The following IQSEC1 variants were observed in gnomAD, a reference collection of about 807,000 sequenced individuals.
The protein encoded by IQSEC1 is IQ motif and SEC7 domain-containing protein 1.
Under a neutral mutation model 91.0 loss-of-function variants are expected in IQSEC1, and 31 were observed. The ratio of observed to expected loss-of-function variants is 0.34; its 90% CI spans 0.26 to 0.46. IQSEC1 has a LOEUF of 0.46. Ranked by LOEUF, IQSEC1 falls within the 20% of genes least tolerant of loss-of-function variation. The pLI is 1.00. For missense variants in IQSEC1, 1,388 were observed against 1,575.6 expected, an observed-to-expected ratio of 0.88 and a Z score of 2.02; for synonymous variants, 699 against 662.6, an observed-to-expected ratio of 1.05 and a Z score of -0.84.
intron 1 of IQSEC1, among the ~76,000 whole-genome samples, chr3:12,972,080 A>G (rs1255358539): frequency 1.4e-5 from 2 of 141,966 alleles, no homozygotes; most frequent in Non-Finnish European, 3.0e-5. Context: ...ACTGGAACCA[A>G]TGCAATTTTT....
chr3:13,179,221 T>G (rs1054893367), intron 1 of IQSEC1, among the ~76,000 whole-genome samples: 9 of 152,192 alleles, frequency 5.9e-5, no homozygotes, highest in Non-Finnish European at 1.2e-4. Context: ...CAGCAGGACC[T>G]AGACCAAACC....
intron 1 of IQSEC1, among the ~76,000 whole-genome samples, chr3:13,178,368 CA>C (rs1270919170): frequency 6.6e-6 from 1 of 152,202 alleles, no homozygotes; most frequent in Non-Finnish European, 1.5e-5. Flanking sequence ...GAAGCCAGGT[CA>C]GGGGTGTGGT....
intron 1 of IQSEC1, among the ~76,000 whole-genome samples, chr3:13,243,287 G>A (rs1695051090): frequency 6.6e-6 from 1 of 152,156 alleles, no homozygotes; most frequent in Non-Finnish European, 1.5e-5. Flanking sequence ...TTTGAGGGAG[G>A]GGAGAGGATC....
chr3:13,072,970 G>A, intron 1 of IQSEC1, 22 bp downstream of exon 1: 1 of 1,550,784 alleles, frequency 6.4e-7, no homozygotes, highest in Non-Finnish European at 8.7e-7. Context: ...GCTTCAGGCA[G>A]AAACCTGCCA....
intron 1 of IQSEC1, among the ~76,000 whole-genome samples, chr3:13,070,356 A>C (rs1705374285): frequency 6.6e-6 from 1 of 152,236 alleles, no homozygotes; most frequent in Non-Finnish European, 1.5e-5. Context: ...CCCATGAGGC[A>C]ACTAAGCATG....
intron 1 of IQSEC1, among the ~76,000 whole-genome samples, chr3:13,165,571 T>TGG (rs1693476583): frequency 6.8e-6 from 1 of 146,144 alleles, no homozygotes; most frequent in African/African-American, 2.6e-5. Context: ...TGTGTGTGTG[T>TGG]GTGTGTGTGT....
intron 1 of IQSEC1, among the ~76,000 whole-genome samples, chr3:13,061,217 C>T (rs779990370): frequency 2.6e-5 from 4 of 152,122 alleles, no homozygotes; most frequent in Admixed American, 1.3e-4. Context: ...GGGACAGAGC[C>T]GGCAGCATGG....
chr3:12,966,931 G>A (rs1346770561), intron 1 of IQSEC1, among the ~76,000 whole-genome samples: 1 of 152,070 alleles, frequency 6.6e-6, no homozygotes, highest in Non-Finnish European at 1.5e-5. Flanking sequence ...GGCAGCTCCG[G>A]CCCTGCCTGC....
chr3:13,199,748 C>T (rs1398626531), intron 1 of IQSEC1, among the ~76,000 whole-genome samples: 2 of 151,752 alleles, frequency 1.3e-5, no homozygotes, highest in African/African-American at 2.4e-5. Flanking sequence ...TCCTCCGTGG[C>T]TGTCCCCGGA....
intron 5 of IQSEC1, among the ~76,000 whole-genome samples, chr3:12,921,646 C>G (rs180795013): frequency 6.6e-6 from 1 of 152,206 alleles, no homozygotes; most frequent in Admixed American, 6.5e-5. Flanking sequence ...GTAACCAGCA[C>G]AGGGCCACAG....
intron 1 of IQSEC1, among the ~76,000 whole-genome samples, chr3:13,006,667 C>T (rs1000211858): frequency 3.3e-5 from 5 of 152,272 alleles, no homozygotes; most frequent in African/African-American, 1.2e-4. Flanking sequence ...CACACGCGCA[C>T]ACAGCCCCCA....
intron 2 of IQSEC1, among the ~76,000 whole-genome samples, chr3:13,149,641 G>A (rs1706957697): frequency 6.6e-6 from 1 of 152,046 alleles, no homozygotes; most frequent in Non-Finnish European, 1.5e-5. Context: ...AGGTGAGACT[G>A]GAAGGTGTCA....
chr3:12,945,073 G>A (rs977258972), intron 1 of IQSEC1, among the ~76,000 whole-genome samples: 1 of 152,238 alleles, frequency 6.6e-6, no homozygotes, highest in Non-Finnish European at 1.5e-5. Context: ...TTCCCAGTTG[G>A]CCGCGGTGTG....
At chr3:13,278,229 C>T (rs1454375770) in intron 1 of IQSEC1, among the ~76,000 whole-genome samples, 1 of 152,154 alleles carries the variant, frequency 6.6e-6, no homozygotes, top group Admixed American at 6.5e-5. Context: ...GAAAGCGAGG[C>T]AGGCCACTCC....
intron 2 of IQSEC1, among the ~76,000 whole-genome samples, chr3:12,937,681 AG>A (rs1201323356): frequency 3.3e-5 from 5 of 152,232 alleles, no homozygotes; most frequent in Admixed American, 1.3e-4. Context: ...TGGGAGACAG[AG>A]GCCAAGGGCT....
chr3:13,111,662 T>C (rs1706246898), intron 2 of IQSEC1, among the ~76,000 whole-genome samples: 1 of 152,040 alleles, frequency 6.6e-6, no homozygotes, highest in Non-Finnish European at 1.5e-5. Context: ...TACGCTGAGA[T>C]GAGGTCATGG....
At chr3:13,077,459 G>C (rs966660277), upstream of IQSEC1, among the ~76,000 whole-genome samples, 4 of 152,212 alleles carry the variant, frequency 2.6e-5, no homozygotes, top group African/African-American at 9.7e-5. Context: ...CTTTACATAA[G>C]TAGGATCACA....
intron 1 of IQSEC1, among the ~76,000 whole-genome samples, chr3:12,961,218 C>T (rs1441433012): frequency 6.6e-6 from 1 of 152,250 alleles, no homozygotes; most frequent in Non-Finnish European, 1.5e-5. Flanking sequence ...TCAGCACAGG[C>T]CACCAGCTGA....
Position 12,967,897 on chromosome 3 carries a change from G to A in IQSEC1, c.24-26032C>T, listed in dbSNP as rs1403794003. Among the ~76,000 whole-genome samples the A allele has an allele frequency of 2.7e-5, 4 of 145,886 alleles. No individual in the cohort carries two copies. The highest frequency in any genetic ancestry group is 6.0e-5 in the Non-Finnish European group (4 of 67,034). The stretch of plus-strand genomic sequence containing the variant: ...CGCGGAAGAAGCACAGGGGGCGGGG[G>A]GTCAGGGGCGGGGCGTCAGGGGCGG... On this transcript the variant is annotated intron_variant, in intron 1 of 13. Transcript: ENST00000613206. The surrounding 1 kb of genome is among the most constrained non-coding windows in gnomAD (Gnocchi z 5.9).
Sources: gnomAD v4.1 joint callset for allele counts (sites outside exome capture counted in the v4.1 genomes callset) on GRCh38, gnomAD v4.1.1 for gene constraint, Gnocchi (gnomAD v3.1) non-coding constraint, MANE v1.5 for transcripts, NCBI Gene and HGNC (gene_info 2026-07-23, HGNC 2026-07-21) for gene names.